MAF: variants seen among roughly 807,000 people sequenced by gnomAD.
MAF encodes the protein transcription factor Maf.
Under a neutral mutation model 22.0 loss-of-function variants are expected in MAF, and 10 were observed. That is an observed-to-expected ratio of 0.45 (90% confidence interval 0.28 to 0.77). MAF has a LOEUF of 0.77. Among genes scored for constraint, MAF ranks in the 30% least tolerant of loss-of-function variants. The pLI is 0.12. For missense variants in MAF, 544 were observed against 548.4 expected (o/e 0.99, Z 0.08); for synonymous variants, 337 against 255.8 (o/e 1.32, Z -3.03).
chr16:79,554,730 C>A, the MAF span, among the ~76,000 whole-genome samples: 2 of 152,132 alleles, frequency 1.3e-5, no homozygotes, highest in Non-Finnish European at 2.9e-5. Flanking sequence ...AAATGACCTT[C>A]GGGGAAGCTC....
chr16:79,413,212 T>TG, the MAF span, among the ~76,000 whole-genome samples: 1,042 of 10,250 alleles, frequency 0.1, 26 homozygotes, highest in Non-Finnish European at 0.15. Context: ...GCTGTGCAGT[T>TG]TTTTTTTTTT....
chr16:79,554,416 T>G, the MAF span, among the ~76,000 whole-genome samples: 29 of 152,266 alleles, frequency 1.9e-4, no homozygotes, highest in African/African-American at 6.7e-4. Flanking sequence ...ACATCAGAGA[T>G]GCTGAGACAG....
chr16:79,324,431 G>A, the MAF span, among the ~76,000 whole-genome samples: 2 of 152,206 alleles, frequency 1.3e-5, no homozygotes, highest in African/African-American at 4.8e-5. Context: ...GGATTCTGCA[G>A]GGCCGACTTT....
chr16:79,454,480 G>C, the MAF span, among the ~76,000 whole-genome samples: 9 of 152,156 alleles, frequency 5.9e-5, no homozygotes, highest in African/African-American at 1.9e-4. Flanking sequence ...GTAGCATAGA[G>C]AGTAAATGAA....
At chr16:79,230,000 A>T in the MAF span, among the ~76,000 whole-genome samples, 62 of 147,378 alleles carry the variant, frequency 4.2e-4, no homozygotes, top group African/African-American at 1.6e-3. Flanking sequence ...AGTTGCTTAC[A>T]GAAAAAAAAA....
At chr16:79,338,218 C>T in the MAF span, among the ~76,000 whole-genome samples, 3 of 152,114 alleles carry the variant, frequency 2.0e-5, no homozygotes, top group Non-Finnish European at 2.9e-5. Context: ...ACCCATGATA[C>T]GTGTGGAAGA....
chr16:79,410,859 G>A, the MAF span, among the ~76,000 whole-genome samples: 1 of 152,200 alleles, frequency 6.6e-6, no homozygotes. Flanking sequence ...CTGATTGGAG[G>A]CAGAGAGGCC....
chr16:79,316,903 C>A, the MAF span, among the ~76,000 whole-genome samples: 9,708 of 152,240 alleles, frequency 0.064, 1,033 homozygotes, highest in East Asian at 0.4. Flanking sequence ...TGGACACCAA[C>A]AAAGTAGGAG....
the MAF span, among the ~76,000 whole-genome samples, chr16:79,529,469 C>G: frequency 6.6e-6 from 1 of 152,232 alleles, no homozygotes; most frequent in South Asian, 2.1e-4. Context: ...TAGTAACTTC[C>G]TGTGAATCTA....
the MAF span, among the ~76,000 whole-genome samples, chr16:79,326,567 T>G: frequency 6.6e-6 from 1 of 152,204 alleles, no homozygotes; most frequent in African/African-American, 2.4e-5. Flanking sequence ...GACAGTAAAC[T>G]AGGGCAGGGC....
rs2143818014 is a variant in MAF, at chr16:79,599,760, C to T, written c.143G>A (p.Arg48His). 1 of 1,613,126 alleles carries T rather than the reference C, an allele frequency of 6.2e-7. No individual in the cohort carries two copies. The highest frequency in any genetic ancestry group is 8.5e-7 in the Non-Finnish European group (1 of 1,179,924). ...GGACAGCGAGCCCCCGGCGATGAGA[C>T]GGCCGCACTGGCTGATGATGCGGTC... ...ETDRIISQCG[R>H]LIAGGSLSST... The change falls in exon 1 of 2, where the codon CGT becomes CAT. Residue 48 changes from arginine (R) to histidine (H), a missense_variant. Around this residue, in one of 5 missense-constraint regions of MAF, gnomAD observed 63 missense variants for 72.7 expected, o/e 0.87. Transcript: ENST00000326043.
chr16:79,351,390 C>A, the MAF span, among the ~76,000 whole-genome samples: 10 of 152,220 alleles, frequency 6.6e-5, no homozygotes, highest in East Asian at 1.9e-3. Flanking sequence ...CCTCCCACCT[C>A]CTTGTGTGTT....
the MAF span, among the ~76,000 whole-genome samples, chr16:79,343,625 C>T: frequency 6.1e-3 from 923 of 152,240 alleles, 5 homozygotes; most frequent in Non-Finnish European, 0.01. Flanking sequence ...AAGTGATTGT[C>T]GTGAATGCAA....
the MAF span, among the ~76,000 whole-genome samples, chr16:79,408,113 G>A: frequency 1.1e-3 from 161 of 149,114 alleles, no homozygotes; most frequent in Non-Finnish European, 2.0e-3. Context: ...TAAAGGCGTG[G>A]TGGAGGGATG....
the MAF span, among the ~76,000 whole-genome samples, chr16:79,515,097 G>C: frequency 1.3e-5 from 2 of 152,156 alleles, no homozygotes; most frequent in Non-Finnish European, 2.9e-5. Context: ...ACCTCATCCA[G>C]GTGTAAGGAT....
chr16:79,592,693 C>G (rs919985040), downstream of MAF, among the ~76,000 whole-genome samples: 3 of 152,148 alleles, frequency 2.0e-5, no homozygotes, highest in Non-Finnish European at 2.9e-5. Flanking sequence ...AAGGAAGGCA[C>G]AGGACCAAAT....
At chr16:79,296,920 C>T in the MAF span, among the ~76,000 whole-genome samples, 5 of 152,148 alleles carry the variant, frequency 3.3e-5, no homozygotes, top group African/African-American at 7.2e-5. Flanking sequence ...CTCCTCTGTG[C>T]GGGCACAAAA....
the MAF span, among the ~76,000 whole-genome samples, chr16:79,268,993 G>T: frequency 6.6e-6 from 1 of 152,194 alleles, no homozygotes; most frequent in Non-Finnish European, 1.5e-5. Context: ...CTCAGCTGTG[G>T]CTTGCTCATA....
At chr16:79,212,183 G>A in the MAF span, 7 of 1,471,712 alleles carry the variant, frequency 4.8e-6, no homozygotes, top group Non-Finnish European at 3.6e-6. Context: ...CTGCAGCCGG[G>A]GGCTGGCCTT....
Sources: gnomAD v4.1 joint callset for allele counts (sites outside exome capture counted in the v4.1 genomes callset) on GRCh38, gnomAD v4.1.1 for gene constraint, gnomAD v4.1.1 regional missense constraint, MANE v1.5 for transcripts, NCBI Gene and HGNC (gene_info 2026-07-23, HGNC 2026-07-21) for gene names.